Variants in APBB2 observed in about 807,000 individuals in gnomAD.
APBB2 encodes Fe65-like 1.
APBB2 carries 38 observed loss-of-function variants against 82.5 expected under a neutral mutation model. The ratio of observed to expected loss-of-function variants is 0.46; its 90% CI spans 0.36 to 0.60. The LOEUF (loss-of-function observed/expected upper bound fraction) is 0.60. Ranked by LOEUF, APBB2 falls within the 20% of genes least tolerant of loss-of-function variation. The pLI is 0.00. For synonymous variants in APBB2, 341 were observed against 368.2 expected (o/e 0.93, Z 0.85); for missense variants, 772 against 972.3 (o/e 0.79, Z 2.74).
chr4:41,190,361 C>T (rs1481023507), intron 1 of APBB2, among the ~76,000 whole-genome samples: 1 of 146,766 alleles, frequency 6.8e-6, no homozygotes, highest in Non-Finnish European at 1.5e-5. Context: ...AAGCAATTCT[C>T]TGCCTCAGCC....
At chr4:40,966,089 T>G (rs1488541361) in intron 6 of APBB2, among the ~76,000 whole-genome samples, 4 of 152,224 alleles carry the variant, frequency 2.6e-5, no homozygotes, top group Admixed American at 2.0e-4. Flanking sequence ...AATTTACCAA[T>G]ATAGATGCAC....
At chr4:40,852,085 C>T (rs1400025474) in intron 12 of APBB2, among the ~76,000 whole-genome samples, 1 of 151,916 alleles carries the variant, frequency 6.6e-6, no homozygotes, top group Admixed American at 6.6e-5. Flanking sequence ...CGGGGCCGGG[C>T]GCAGTGGCTC....
At chr4:41,053,557 C>T (rs1726816498) in intron 4 of APBB2, among the ~76,000 whole-genome samples, 1 of 152,118 alleles carries the variant, frequency 6.6e-6, no homozygotes, top group African/African-American at 2.4e-5. Context: ...AATACCATTA[C>T]CCTGAAATCC....
intron 6 of APBB2, among the ~76,000 whole-genome samples, chr4:40,962,964 G>T (rs974841716): frequency 3.3e-5 from 5 of 152,168 alleles, no homozygotes; most frequent in East Asian, 1.9e-4. Flanking sequence ...AGCGTTAGAG[G>T]TTTCTTATCT....
intron 4 of APBB2, among the ~76,000 whole-genome samples, chr4:41,054,417 C>A (rs76846514): frequency 6.6e-6 from 1 of 152,034 alleles, no homozygotes; most frequent in African/African-American, 2.4e-5. Flanking sequence ...AATTTACTGT[C>A]GAGGCTGATC....
At chr4:41,179,834 G>A (rs1770841350) in intron 1 of APBB2, among the ~76,000 whole-genome samples, 1 of 152,026 alleles carries the variant, frequency 6.6e-6, no homozygotes, top group Non-Finnish European at 1.5e-5. Context: ...AACTACAAAG[G>A]GTTAATAACA....
chr4:40,891,121 G>A (rs1191960502), intron 11 of APBB2, among the ~76,000 whole-genome samples: 5 of 152,226 alleles, frequency 3.3e-5, no homozygotes, highest in Non-Finnish European at 5.9e-5. Context: ...ATCCCAGTTA[G>A]CAGCTGGGGA....
chr4:41,040,394 C>T (rs1328397708), intron 4 of APBB2, among the ~76,000 whole-genome samples: 1 of 152,144 alleles, frequency 6.6e-6, no homozygotes, highest in African/African-American at 2.4e-5. Flanking sequence ...CCAGCACTAA[C>T]GCTATATAAC....
At chr4:41,070,089 A>C (rs1477041690) in intron 3 of APBB2, among the ~76,000 whole-genome samples, 1 of 152,312 alleles carries the variant, frequency 6.6e-6, no homozygotes, top group East Asian at 1.9e-4. Context: ...CTCCTCCCAG[A>C]TGCTCATTCA....
Position 40,825,929 on chromosome 4 carries a change from G to A in APBB2, c.1774C>T (p.His592Tyr), listed in dbSNP as rs777943804. Residue 592 changes from histidine (H) to tyrosine (Y), a missense_variant, in exon 15 of 18, where the codon CAC becomes TAC. By Grantham distance (83) the His-to-Tyr change is moderately conservative. Coordinates refer to ENST00000508593, the MANE Select transcript of APBB2 (RefSeq NM_004307.2). ...TPKTELVQKF[H>Y]VQYLGMLPVD... ...GGTAACATGCCCAAGTACTGCACGT[G>A]GAACTTCTGGACCAGCTCAGTCTTT... is the stretch of plus-strand genomic sequence containing the variant. The A allele has an allele frequency of 3.1e-6, 5 of 1,614,114 alleles. No homozygotes were observed. The highest frequency in any genetic ancestry group is 4.2e-6 in the Non-Finnish European group (5 of 1,180,012).
At chr4:40,934,395 C>G in intron 10 of APBB2, 61 bp downstream of exon 10, 1 of 1,517,954 alleles carries the variant, frequency 6.6e-7, no homozygotes, top group Non-Finnish European at 9.1e-7. Context: ...GGACAATGAT[C>G]CAAAGTCATT....
chr4:41,017,732 A>C (rs942228856), intron 5 of APBB2, among the ~76,000 whole-genome samples: 2 of 152,164 alleles, frequency 1.3e-5, no homozygotes, highest in African/African-American at 4.8e-5. Flanking sequence ...ATTACCCCCC[A>C]CTCTAATTGG....
At chr4:41,049,175 G>A (rs1433396925) in intron 4 of APBB2, among the ~76,000 whole-genome samples, 3 of 150,124 alleles carry the variant, frequency 2.0e-5, no homozygotes, top group Non-Finnish European at 4.4e-5. Context: ...CGTCTGAGAT[G>A]TGGGGAGCGC....
chr4:40,916,607 T>A (rs1779897042), intron 10 of APBB2, among the ~76,000 whole-genome samples: 1 of 152,178 alleles, frequency 6.6e-6, no homozygotes, highest in East Asian at 1.9e-4. Flanking sequence ...TACCCGTGTC[T>A]CTGTGCAATC....
At chr4:40,931,223 G>C (rs1247129939) in intron 10 of APBB2, among the ~76,000 whole-genome samples, 1 of 152,192 alleles carries the variant, frequency 6.6e-6, no homozygotes, top group African/African-American at 2.4e-5. Flanking sequence ...TGCTGGCTCT[G>C]GCCCCCAGGC....
rs779052550 is a variant in APBB2, at chr4:40,811,936, ATTCT to A, written c.*4152_*4155del. 6.6e-6 allele frequency: 1 copy of A among 152,164 alleles called. No homozygotes were observed. The highest frequency in any genetic ancestry group is 1.9e-4 in the East Asian group (1 of 5,198). 9.4% of individuals were successfully genotyped at this position (152,164 alleles called of 1,614,324 possible). A position where few individuals can be genotyped will look rare whatever the true frequency, so the allele number is the denominator to read the frequency against. On this transcript the variant is annotated 3_prime_UTR_variant, in exon 18 of 18. Transcript: ENST00000508593. ...TTGGATTTAGTGTGTGTACACCTCTATTCTTTATTCTTTGATGTCAGGTTCTTAA... is the reference window on the plus strand; with the variant it reads ...TTGGATTTAGTGTGTGTACACCTCTATTATTCTTTGATGTCAGGTTCTTAA...
intron 13 of APBB2, among the ~76,000 whole-genome samples, chr4:40,829,429 T>C (rs1465197581): frequency 1.3e-5 from 2 of 152,128 alleles, no homozygotes; most frequent in East Asian, 3.9e-4. Flanking sequence ...TAGATGCTTG[T>C]CCAGCGCCTC....
intron 6 of APBB2, among the ~76,000 whole-genome samples, chr4:41,009,016 T>C (rs945940011): frequency 1.3e-5 from 2 of 152,224 alleles, no homozygotes; most frequent in African/African-American, 4.8e-5. Flanking sequence ...TCAATTTTAT[T>C]AAATCCCAAA....
At chr4:41,042,432 G>T (rs557775511) in intron 4 of APBB2, among the ~76,000 whole-genome samples, 1 of 152,190 alleles carries the variant, frequency 6.6e-6, no homozygotes, top group African/African-American at 2.4e-5. Context: ...AATCAACAGC[G>T]TCTCTGCATC....
Sources: allele counts gnomAD v4.1 joint callset (sites outside exome capture counted in the v4.1 genomes callset), GRCh38; gene constraint gnomAD v4.1.1; transcripts MANE v1.5; gene names NCBI Gene and HGNC (gene_info 2026-07-23, HGNC 2026-07-21).